ZKSCAN7: variants seen among roughly 807,000 people sequenced by gnomAD.
ZKSCAN7 encodes zinc finger with KRAB and SCAN domains 7.
Under a neutral mutation model 65.3 loss-of-function variants are expected in ZKSCAN7, and 38 were observed. That is an observed-to-expected ratio of 0.58 (90% CI 0.45 to 0.76). The LOEUF is 0.76. ZKSCAN7 is among the 30% of genes least tolerant of loss of function. ZKSCAN7 has a pLI of 0.00. For synonymous variants in ZKSCAN7, 321 were observed against 321.0 expected (o/e 1.00, Z 0.00); for missense variants, 815 against 913.3 (o/e 0.89, Z 1.39).
chr3:44,565,740 C>T lies in ZKSCAN7; in HGVS notation c.592+85C>T, dbSNP rs553651138. 2.2e-4 allele frequency: 289 copies of T among 1,332,668 alleles called. 3 individuals are homozygous for T. In the South Asian group the frequency reaches 4.7e-3, roughly 22 times the overall value. The allele number at this position is 1,332,668 out of a possible 1,614,324, so 82.6% of individuals were successfully genotyped here. ...CTTTCCTTTATCTGCCCATCTCCTA[C>T]TCCATGGAATCCCTCATTGCTCTGC... On this transcript the variant is annotated intron_variant, in intron 3 of 5. Transcript: ENST00000426540.
intron 2 of ZKSCAN7, among the ~76,000 whole-genome samples, chr3:44,564,006 C>T (rs761077978): frequency 1.3e-5 from 2 of 152,222 alleles, no homozygotes; most frequent in Non-Finnish European, 2.9e-5. Context: ...AGTCCCTTAA[C>T]ATCTCAGCAG....
chr3:44,558,015 T>C (rs1188986904), intron 2 of ZKSCAN7, among the ~76,000 whole-genome samples: 1 of 152,198 alleles, frequency 6.6e-6, no homozygotes, highest in Admixed American at 6.5e-5. Context: ...TTCTTGCAAA[T>C]GTAATACCAA....
At position 44,568,397 on chromosome 3, in the gene ZKSCAN7, A is replaced by C. The variant is rs1699696654; in HGVS notation, c.775A>C (p.Met259Leu). Residue 259 changes from methionine to leucine, a missense_variant, in exon 5 of 6, where the codon ATG (methionine) becomes CTG (leucine). By Grantham distance (15) the Met-to-Leu change is conservative. Coordinates refer to ENST00000426540, the MANE Select transcript of ZKSCAN7 (RefSeq NM_001288590.2). Reference sequence around the variant, plus strand: ...CAGTCAGAGAGCCCTGCAGTGGAACATGATGCCAGAAAATCACCATAGCAT... The same window carrying C: ...CAGTCAGAGAGCCCTGCAGTGGAACCTGATGCCAGAAAATCACCATAGCAT... Reference protein sequence around the residue: ...TLSQRALQWNMMPENHHSMAS... With the variant: ...TLSQRALQWNLMPENHHSMAS... The C allele has an allele frequency of 6.2e-7, 1 of 1,614,062 alleles. No individual in the cohort carries two copies. Among genetic ancestry groups the C allele is most frequent in the African/African-American group, 1.3e-5 (1 of 74,934 alleles).
intron 5 of ZKSCAN7, among the ~76,000 whole-genome samples, chr3:44,569,037 C>T (rs1397382423): frequency 2.6e-5 from 4 of 152,218 alleles, no homozygotes; most frequent in African/African-American, 7.2e-5. Context: ...CATTGCTACT[C>T]GTAAGTGCCT....
downstream of ZKSCAN7, chr3:44,572,171 A>T: frequency 1.0e-6 from 1 of 985,410 alleles, no homozygotes; most frequent in South Asian, 4.7e-5. Flanking sequence ...TCTCACATTG[A>T]ATTATCCTTA....
At chr3:44,582,658 G>A (rs1040102114) in intron 5 of ZKSCAN7, among the ~76,000 whole-genome samples, 8 of 152,114 alleles carry the variant, frequency 5.3e-5, no homozygotes, top group African/African-American at 1.7e-4. Flanking sequence ...TGTGGATAAG[G>A]GCAATAGAAG....
At chr3:44,577,099 G>T (rs1476097952), downstream of ZKSCAN7, among the ~76,000 whole-genome samples, 1 of 151,832 alleles carries the variant, frequency 6.6e-6, no homozygotes, top group East Asian at 1.9e-4. Context: ...GAGTAGTTAG[G>T]ACTACAGGCG....
intron 5 of ZKSCAN7, chr3:44,578,216 G>A: frequency 6.6e-7 from 1 of 1,526,466 alleles, no homozygotes; most frequent in Non-Finnish European, 9.1e-7. Flanking sequence ...TGTCTTTGTG[G>A]TGTCACTTGC....
chr3:44,557,175 A>G lies in ZKSCAN7; in HGVS notation c.128A>G (p.Gln43Arg). 1 of 1,614,266 alleles carries G rather than the reference A, an allele frequency of 6.2e-7. No individual in the cohort carries two copies. Among genetic ancestry groups the G allele is most frequent in the Non-Finnish European group, 8.5e-7 (1 of 1,180,040 alleles). The change falls in exon 2 of 6, where the codon CAG becomes CGG. Residue 43 changes from glutamine to arginine, a missense_variant. By Grantham distance (43) the Gln-to-Arg change is conservative. Coordinates refer to ENST00000426540, the MANE Select transcript of ZKSCAN7 (RefSeq NM_001288590.2). ...NQTWGQGSSL[Q>R]KNYPPVCEIF... ...ACCTGGGGGCAGGGCAGCAGTCTCCAGAAGAACTATCCTCCTGTCTGCGAA... is the reference window on the plus strand; with the variant it reads ...ACCTGGGGGCAGGGCAGCAGTCTCCGGAAGAACTATCCTCCTGTCTGCGAA...
In ZKSCAN7 at chr3:44,557,201, A is replaced by C; in HGVS notation, c.154A>C (p.Ile52Leu). The change falls in exon 2 of 6, where the codon ATC becomes CTC. Residue 52 changes from isoleucine to leucine, a missense_variant. Physicochemically the swap from Ile to Leu is conservative, Grantham distance 5. This residue lies in a region of ZKSCAN7 where 227 missense variants were observed against 253.3 expected (regional missense o/e 0.90). Transcript: ENST00000426540. Reference protein sequence around the residue: ...LQKNYPPVCEIFRLHFRQLCY... With the variant: ...LQKNYPPVCELFRLHFRQLCY... ...GAAGAACTATCCTCCTGTCTGCGAA[A>C]TCTTCCGGCTACACTTCAGGCAATT... is the stretch of plus-strand genomic sequence containing the variant. 2 of 1,614,256 alleles carry C rather than the reference A, an allele frequency of 1.2e-6. No homozygotes were observed. The highest frequency in any genetic ancestry group is 1.1e-5 in the South Asian group (1 of 91,090).
intron 2 of ZKSCAN7, among the ~76,000 whole-genome samples, chr3:44,563,453 G>C (rs1181196559): frequency 2.0e-5 from 3 of 152,140 alleles, no homozygotes; most frequent in African/African-American, 7.2e-5. Context: ...TCACAGTTCT[G>C]CAGGCTTAAC....
rs1025615755 is a variant in ZKSCAN7 at position 44,560,599 on chromosome 3, G to A, written c.423+3129G>A. ...ACAATCTCAGCTCACTGCAAGCTCC[G>A]CCTCCTTCACGCCATTCTCCTGCCT... On this transcript the variant is annotated intron_variant, in intron 2 of 5. Transcript: ENST00000426540. Among the ~76,000 whole-genome samples the A allele has an allele frequency of 1.2e-4, 17 of 143,758 alleles. 1 individual carries two copies. The highest frequency in any genetic ancestry group is 8.7e-4 in the South Asian group (4 of 4,588). 94.3% of individuals were successfully genotyped at this position (143,758 alleles called of 152,430 possible). A position where few individuals can be genotyped will look rare whatever the true frequency, so the allele number is the denominator to read the frequency against.
intron 5 of ZKSCAN7, among the ~76,000 whole-genome samples, chr3:44,579,576 C>T (rs934920512): frequency 1.3e-5 from 2 of 152,162 alleles, no homozygotes; most frequent in Non-Finnish European, 2.9e-5. Context: ...ACATCCGGGG[C>T]GGTGGTCGGG....
chr3:44,571,830 C>T lies in ZKSCAN7; in HGVS notation c.*455C>T. The T allele has an allele frequency of 1.0e-6, 1 of 991,910 alleles. No homozygotes were observed. The highest frequency in any genetic ancestry group is 4.6e-5 in the South Asian group (1 of 21,972). The allele number at this position is 991,910 out of a possible 1,614,324, so 61.4% of individuals were successfully genotyped here. ...CTTTAAACTTTAATCTATAACTTTTCATCAGTTTTGTTCCCTATCTAGAAA... is the reference window on the plus strand; with the variant it reads ...CTTTAAACTTTAATCTATAACTTTTTATCAGTTTTGTTCCCTATCTAGAAA... On this transcript the variant is annotated 3_prime_UTR_variant, in exon 6 of 6. Coordinates refer to ENST00000426540, the MANE Select transcript of ZKSCAN7 (RefSeq NM_001288590.2).
At chr3:44,557,675 T>G (rs953520630) in intron 2 of ZKSCAN7, 86 of 669,848 alleles carry the variant, frequency 1.3e-4, no homozygotes, top group Non-Finnish European at 2.1e-4. Context: ...ATTCACCCTG[T>G]GAAATACTGT....
chr3:44,573,635 A>G (rs181753665), downstream of ZKSCAN7, among the ~76,000 whole-genome samples: 77 of 152,234 alleles, frequency 5.1e-4, no homozygotes, highest in African/African-American at 1.8e-3. Flanking sequence ...TCATTGTTTT[A>G]GTTTGGAAGC....
intron 2 of ZKSCAN7, among the ~76,000 whole-genome samples, chr3:44,565,282 A>G (rs1029694200): frequency 1.3e-5 from 2 of 152,148 alleles, no homozygotes; most frequent in African/African-American, 2.4e-5. Flanking sequence ...AAGGGTCAAC[A>G]GAGGGATGGC....
downstream of ZKSCAN7, among the ~76,000 whole-genome samples, chr3:44,576,144 A>T (rs1251211145): frequency 6.6e-6 from 1 of 151,770 alleles, no homozygotes; most frequent in Non-Finnish European, 1.5e-5. Flanking sequence ...TTCTGTGTAA[A>T]TTTTTCTAAT....
Position 44,557,240 on chromosome 3 carries a change from A to G in ZKSCAN7, c.193A>G (p.Met65Val). 6.2e-7 allele frequency: 1 copy of G among 1,614,240 alleles called. No homozygotes were observed. Among genetic ancestry groups the G allele is most frequent in the Non-Finnish European group, 8.5e-7 (1 of 1,180,032 alleles). ...CTTCAGGCAATTGTGTTACCACGAGATGTCTGGGCCGCAGGAAGCATTGAG... is the reference window on the plus strand; with the variant it reads ...CTTCAGGCAATTGTGTTACCACGAGGTGTCTGGGCCGCAGGAAGCATTGAG... ...LHFRQLCYHE[M>V]SGPQEALSRL... Residue 65 changes from methionine (M) to valine (V), a missense_variant, in exon 2 of 6, where the codon ATG becomes GTG. By Grantham distance (21) the Met-to-Val change is conservative. This residue lies in a region of ZKSCAN7 where 227 missense variants were observed against 253.3 expected (regional missense o/e 0.90). Transcript: ENST00000426540.
Sources: gnomAD v4.1 joint callset for allele counts (sites outside exome capture counted in the v4.1 genomes callset) on GRCh38, gnomAD v4.1.1 for gene constraint, gnomAD v4.1.1 regional missense constraint, MANE v1.5 for transcripts, NCBI Gene and HGNC (gene_info 2026-07-23, HGNC 2026-07-21) for gene names.